Variants in EML4 observed in about 807,000 individuals in gnomAD.
The protein encoded by EML4 is echinoderm microtubule-associated protein-like 4.
Under a neutral mutation model 129.0 loss-of-function variants are expected in EML4, and 72 were observed. That is an observed-to-expected ratio of 0.56 (90% CI 0.46 to 0.68). The LOEUF (loss-of-function observed/expected upper bound fraction) is 0.68. EML4 is among the 30% of genes least tolerant of loss of function. EML4 has a pLI of 0.00. For missense variants in EML4, 1,363 were observed against 1,190.6 expected (o/e 1.14, Z -2.13); for synonymous variants, 532 against 405.0 (o/e 1.31, Z -3.77).
At position 42,260,166 on chromosome 2, in the gene EML4, C is replaced by G. The variant is rs559859515; in HGVS notation, c.339-955C>G. On this transcript the variant is annotated intron_variant, in intron 3 of 22. Coordinates refer to ENST00000318522, the MANE Select transcript of EML4 (RefSeq NM_019063.5). The stretch of plus-strand genomic sequence containing the variant: ...AGGTGTGAGCCACCACACCCGGGCT[C>G]TGTGATTTGTTTGTTTTTTGAGATG... Among the ~76,000 whole-genome samples, 237 of 151,160 alleles carry G rather than the reference C, an allele frequency of 1.6e-3. 1 individual carries two copies. The highest frequency in any genetic ancestry group is 5.6e-3 in the African/African-American group (229 of 41,170).
intron 11 of EML4, among the ~76,000 whole-genome samples, chr2:42,290,173 G>C (rs996072430): frequency 2.0e-5 from 3 of 152,066 alleles, no homozygotes; most frequent in Non-Finnish European, 2.9e-5. Context: ...CTCTAGTAAA[G>C]GTCAGAGGGA....
intron 19 of EML4, among the ~76,000 whole-genome samples, chr2:42,321,163 C>T (rs2103809434): frequency 6.7e-6 from 1 of 149,812 alleles, no homozygotes; most frequent in South Asian, 2.1e-4. Context: ...GCGGGCGGAT[C>T]ACAAGGTCAA....
At chr2:42,268,172 C>T (rs1047479536) in intron 6 of EML4, among the ~76,000 whole-genome samples, 2 of 152,036 alleles carry the variant, frequency 1.3e-5, no homozygotes, top group Non-Finnish European at 1.5e-5. Flanking sequence ...GACCTGCATT[C>T]GAAATATTAA....
In EML4 at chr2:42,282,823, A is replaced by G. The variant is rs768318577; in HGVS notation, c.792A>G (p.Ala264=). Residue 264 remains alanine (A), a splice_region_variant and synonymous_variant, in exon 8 of 23, where the codon GCA becomes GCG. Coordinates refer to ENST00000318522, the MANE Select transcript of EML4 (RefSeq NM_019063.5). ...AAACCTTGACTCTTTTTCTGTTAAG[A>G]TATGGTTATCGAGGAAAGGACTGTA... is the stretch of plus-strand genomic sequence containing the variant. The part of the protein sequence containing the change: ...LPPEKLKLEW[A]YGYRGKDCRA... 8 of 1,609,846 alleles carry G rather than the reference A, an allele frequency of 5.0e-6. No individual in the cohort carries two copies. In the South Asian group the frequency reaches 8.8e-5, roughly 18 times the overall value.
intron 1 of EML4, among the ~76,000 whole-genome samples, chr2:42,205,833 G>A (rs1296062487): frequency 6.6e-6 from 1 of 152,102 alleles, no homozygotes; most frequent in African/African-American, 2.4e-5. Context: ...TTACTCTCCT[G>A]TGTTAACAGA....
rs374140363 is a variant in EML4, at chr2:42,281,173, C to T, written c.791+200C>T. 5.3e-5 allele frequency among the ~76,000 whole-genome samples: 8 copies of T among 152,188 alleles called. No individual in the cohort carries two copies. In the East Asian group the frequency reaches 1.5e-3, roughly 29 times the overall value. ...CTTTGGGAGGCCGAGGCAGGCGGAT[C>T]ACAAAGTCAGTAGTTCAAGACCAGC... On this transcript the variant is annotated intron_variant, in intron 7 of 22. Coordinates refer to ENST00000318522, the MANE Select transcript of EML4 (RefSeq NM_019063.5).
chr2:42,264,869 GA>G (rs1187983741), intron 6 of EML4, 138 bp downstream of exon 6: 38 of 1,537,974 alleles, frequency 2.5e-5, no homozygotes, highest in Non-Finnish European at 2.8e-5. Context: ...AGTCATTTAG[GA>G]AAAAACCCAG....
intron 17 of EML4, among the ~76,000 whole-genome samples, chr2:42,307,587 C>G (rs1368833169): frequency 6.6e-6 from 1 of 152,180 alleles, no homozygotes; most frequent in Non-Finnish European, 1.5e-5. Flanking sequence ...TGTAGCCATT[C>G]TATTACTATC....
chr2:42,288,332 T>TA lies in EML4; in HGVS notation c.1218+16dup. The TA allele has an allele frequency of 7.2e-7, 1 of 1,383,248 alleles. No homozygotes were observed. Among genetic ancestry groups the TA allele is most frequent in the Non-Finnish European group, 1.0e-6 (1 of 980,412 alleles). The allele number at this position is 1,383,248 out of a possible 1,614,324, so 85.7% of individuals were successfully genotyped here. The stretch of plus-strand genomic sequence containing the variant: ...AGGAGCAGAAATAAAGGTAAATTTT[T>TA]AAAAAACCGAGTATTGTGTTTTAGA... On this transcript the variant is annotated intron_variant, in intron 11 of 22. Transcript: ENST00000318522.
chr2:42,311,377 A>G (rs1192943015), intron 17 of EML4, among the ~76,000 whole-genome samples: 1 of 152,164 alleles, frequency 6.6e-6, no homozygotes, highest in African/African-American at 2.4e-5. Flanking sequence ...GACCAGCAAC[A>G]TGGCAAAACC....
intron 2 of EML4, among the ~76,000 whole-genome samples, chr2:42,250,745 G>T (rs1267376708): frequency 6.6e-6 from 1 of 152,082 alleles, no homozygotes; most frequent in African/African-American, 2.4e-5. Flanking sequence ...GGGGTGGGTG[G>T]GGGGAGGTGT....
chr2:42,308,547 A>G (rs1336224837), intron 17 of EML4, among the ~76,000 whole-genome samples: 1 of 152,208 alleles, frequency 6.6e-6, no homozygotes, highest in Non-Finnish European at 1.5e-5. Flanking sequence ...CTTTTTAACA[A>G]CTTTGTTGAG....
chr2:42,196,398 G>T (rs776447355), intron 1 of EML4, among the ~76,000 whole-genome samples: 2 of 152,136 alleles, frequency 1.3e-5, no homozygotes, highest in Non-Finnish European at 2.9e-5. Flanking sequence ...CTGTCTCCAG[G>T]TTCTAAGAGA....
chr2:42,231,390 T>A (rs1214837860), intron 1 of EML4, among the ~76,000 whole-genome samples: 1 of 152,202 alleles, frequency 6.6e-6, no homozygotes, highest in East Asian at 1.9e-4. Flanking sequence ...AAGTGTAATC[T>A]CTAATTCAGG....
intron 1 of EML4, among the ~76,000 whole-genome samples, chr2:42,214,821 A>G (rs72796532): frequency 0.049 from 7,446 of 152,256 alleles, 257 homozygotes; most frequent in South Asian, 0.085. Context: ...GACTTCTTAA[A>G]GGGCAGCTCA....
intron 1 of EML4, among the ~76,000 whole-genome samples, chr2:42,208,812 C>T (rs1672718110): frequency 6.8e-6 from 1 of 146,938 alleles, no homozygotes; most frequent in African/African-American, 2.5e-5. Context: ...TTTTTTCAGA[C>T]ACAGAAAGCC....
At chr2:42,298,977 A>G (rs1668115547) in intron 13 of EML4, among the ~76,000 whole-genome samples, 1 of 152,176 alleles carries the variant, frequency 6.6e-6, no homozygotes, top group African/African-American at 2.4e-5. Flanking sequence ...CTCTCAGAAA[A>G]TTCTCATCTC....
intron 8 of EML4, among the ~76,000 whole-genome samples, chr2:42,283,986 A>T (rs550463274): frequency 6.6e-6 from 1 of 152,316 alleles, no homozygotes; most frequent in East Asian, 1.9e-4. Context: ...GGACATAAAG[A>T]TGTCTTTTTC....
intron 1 of EML4, among the ~76,000 whole-genome samples, chr2:42,173,675 C>T (rs1369415146): frequency 6.6e-6 from 1 of 151,952 alleles, no homozygotes; most frequent in Non-Finnish European, 1.5e-5. Flanking sequence ...ATAGCAAGAC[C>T]CTGTCTCTGC....
Sources: gnomAD v4.1 joint callset for allele counts (sites outside exome capture counted in the v4.1 genomes callset) on GRCh38, gnomAD v4.1.1 for gene constraint, MANE v1.5 for transcripts, NCBI Gene and HGNC (gene_info 2026-07-23, HGNC 2026-07-21) for gene names.